SAMD5: variants seen among roughly 807,000 people sequenced by gnomAD.
SAMD5 encodes the protein sterile alpha motif domain containing 5.
Under a neutral mutation model 11.3 loss-of-function variants are expected in SAMD5, and 13 were observed. That is an observed-to-expected ratio of 1.15 (90% CI 0.75 to 1.83). The LOEUF (loss-of-function observed/expected upper bound fraction) is 1.83, where lower values mean the gene tolerates loss of function less well. Among genes scored for constraint, SAMD5 ranks in the 40% most tolerant of loss-of-function variants. The pLI, the probability that SAMD5 is intolerant of heterozygous loss-of-function variation, is 0.00. For missense variants in SAMD5, 255 were observed against 239.1 expected (o/e 1.07, Z -0.44); for synonymous variants, 129 against 111.3 (o/e 1.16, Z -1.00).
At chr6:147,619,040 C>G (rs1407496692) in intron 1 of SAMD5, among the ~76,000 whole-genome samples, 1 of 152,218 alleles carries the variant, frequency 6.6e-6, no homozygotes, top group Non-Finnish European at 1.5e-5. Flanking sequence ...GTCCTTCCTC[C>G]TCTGCCTCCC....
intron 1 of SAMD5, among the ~76,000 whole-genome samples, chr6:147,518,078 C>T (rs1788199564): frequency 6.6e-6 from 1 of 152,092 alleles, no homozygotes; most frequent in Admixed American, 6.5e-5. Context: ...ATGGTCTCTC[C>T]AGATAGAATT....
the SAMD5 span, among the ~76,000 whole-genome samples, chr6:147,899,189 A>AGAAAAAAAAAAG: frequency 8.1e-6 from 1 of 123,458 alleles, no homozygotes; most frequent in African/African-American, 3.8e-5. Context: ...AAAAAAAAAA[A>AGAAAAAAAAAAG]AAAAGATAAC....
At chr6:147,801,299 T>A in the SAMD5 span, among the ~76,000 whole-genome samples, 311 of 151,878 alleles carry the variant, frequency 2.0e-3, 1 homozygote, top group African/African-American at 6.8e-3. Flanking sequence ...ACAGCTATAT[T>A]TTTTTTTAGT....
intron 1 of SAMD5, among the ~76,000 whole-genome samples, chr6:147,632,619 T>G (rs899800517): frequency 6.6e-6 from 1 of 152,178 alleles, no homozygotes; most frequent in African/African-American, 2.4e-5. Context: ...TAATCTCAAG[T>G]TTTTTGGATA....
the SAMD5 span, among the ~76,000 whole-genome samples, chr6:147,767,670 A>G: frequency 6.6e-6 from 1 of 152,166 alleles, no homozygotes. Flanking sequence ...AGCCAGGGAG[A>G]AAGCCCTCAC....
the SAMD5 span, among the ~76,000 whole-genome samples, chr6:147,922,985 A>G: frequency 1.4e-3 from 217 of 151,628 alleles, 1 homozygote; most frequent in African/African-American, 5.0e-3. Flanking sequence ...CTCACTTCCC[A>G]CTGATTTAGT....
At chr6:147,876,683 T>C in the SAMD5 span, among the ~76,000 whole-genome samples, 1 of 152,228 alleles carries the variant, frequency 6.6e-6, no homozygotes, top group African/African-American at 2.4e-5. Context: ...AAAATAACTC[T>C]GTTTGACTTG....
At chr6:147,661,330 T>C (rs1483021137) in intron 1 of SAMD5, among the ~76,000 whole-genome samples, 2 of 152,180 alleles carry the variant, frequency 1.3e-5, no homozygotes, top group African/African-American at 2.4e-5. Context: ...GTAAAATATC[T>C]GGGAAAACAG....
At chr6:147,742,529 A>C (rs1391828809), downstream of SAMD5, among the ~76,000 whole-genome samples, 1 of 152,218 alleles carries the variant, frequency 6.6e-6, no homozygotes, top group African/African-American at 2.4e-5. Flanking sequence ...TATCAGGAAA[A>C]CATTTCATTC....
At chr6:147,615,016 A>C (rs1281576799) in intron 1 of SAMD5, among the ~76,000 whole-genome samples, 1 of 152,018 alleles carries the variant, frequency 6.6e-6, no homozygotes, top group Non-Finnish European at 1.5e-5. Flanking sequence ...ATCATATGAC[A>C]ACTATTTACA....
At position 147,567,102 on chromosome 6, in the gene SAMD5, C is replaced by A; in HGVS notation, c.*2646C>A. 1 of 981,464 alleles carries A rather than the reference C, an allele frequency of 1.0e-6. No homozygotes were observed. The highest frequency in any genetic ancestry group is 1.2e-6 in the Non-Finnish European group (1 of 826,488). 60.8% of individuals were successfully genotyped at this position (981,464 alleles called of 1,614,324 possible). The stretch of plus-strand genomic sequence containing the variant: ...TATTGAGGAGTCTGGAGGGTCATAG[C>A]AAAATTTTCTTTAGTTCATCTTAAA... On this transcript the variant is annotated 3_prime_UTR_variant, in exon 2 of 2. Coordinates refer to ENST00000367474, the MANE Select transcript of SAMD5 (RefSeq NM_001030060.3).
At chr6:147,661,806 T>C (rs2128454489) in intron 1 of SAMD5, among the ~76,000 whole-genome samples, 1 of 152,120 alleles carries the variant, frequency 6.6e-6, no homozygotes, top group East Asian at 1.9e-4. Context: ...ATTTTTTGTA[T>C]TTTTCGTAGA....
chr6:147,771,929 C>T, the SAMD5 span, among the ~76,000 whole-genome samples: 1 of 152,206 alleles, frequency 6.6e-6, no homozygotes, highest in Non-Finnish European at 1.5e-5. Context: ...TTGCCCCTAG[C>T]ACCTACTAAG....
the SAMD5 span, among the ~76,000 whole-genome samples, chr6:147,789,100 C>CA: frequency 3.4e-4 from 46 of 136,400 alleles, no homozygotes; most frequent in East Asian, 1.2e-3. Context: ...AACAAACAAA[C>CA]AAAAAAAAAA....
chr6:147,650,663 G>A (rs1046592588), intron 1 of SAMD5, among the ~76,000 whole-genome samples: 1 of 152,300 alleles, frequency 6.6e-6, no homozygotes, highest in Admixed American at 6.5e-5. Flanking sequence ...TTGCATCAAC[G>A]TGCAAGGGAC....
At chr6:147,563,816 G>A (rs1208952543) in intron 1 of SAMD5, among the ~76,000 whole-genome samples, 2 of 152,154 alleles carry the variant, frequency 1.3e-5, no homozygotes, top group African/African-American at 2.4e-5. Flanking sequence ...TCCAGCTCAC[G>A]TGCAACTATG....
the SAMD5 span, among the ~76,000 whole-genome samples, chr6:147,868,511 A>T: frequency 6.6e-6 from 1 of 152,190 alleles, no homozygotes; most frequent in Admixed American, 6.5e-5. Context: ...TAAATGCATT[A>T]AATTGGCAAC....
chr6:147,816,297 AAAAAATATATAT>A, the SAMD5 span, among the ~76,000 whole-genome samples: 1 of 86,642 alleles, frequency 1.2e-5, no homozygotes, highest in African/African-American at 6.7e-5. Flanking sequence ...AAAAAAAAAA[AAAAAATATATAT>A]ATATATATAT....
chr6:147,789,318 C>G, the SAMD5 span, among the ~76,000 whole-genome samples: 1 of 148,874 alleles, frequency 6.7e-6, no homozygotes, highest in South Asian at 2.1e-4. Context: ...CACACACACA[C>G]AGTCAAAACC....
Sources: allele counts gnomAD v4.1 joint callset (sites outside exome capture counted in the v4.1 genomes callset), GRCh38; gene constraint gnomAD v4.1.1; transcripts MANE v1.5; gene names NCBI Gene and HGNC (gene_info 2026-07-23, HGNC 2026-07-21).